Variants in STK32B observed in about 807,000 individuals in gnomAD.
STK32B encodes serine/threonine-protein kinase 32B.
A neutral mutation model predicts 52.6 loss-of-function variants in STK32B; 43 were observed. The observed-to-expected ratio is 0.82, with a 90% CI of 0.64 to 1.05. The LOEUF is 1.05. Ranked by LOEUF, STK32B falls within the 50% of genes least tolerant of loss-of-function variation. STK32B has a pLI of 0.00. For missense variants in STK32B, 621 were observed against 534.6 expected (o/e 1.16, Z -1.59); for synonymous variants, 238 against 204.3 (o/e 1.17, Z -1.41).
At chr4:5,153,863 A>T (rs1258290553) in intron 2 of STK32B, among the ~76,000 whole-genome samples, 2 of 152,216 alleles carry the variant, frequency 1.3e-5, no homozygotes, top group African/African-American at 2.4e-5. Context: ...AATATAAAAA[A>T]CTATGTTTAT....
chr4:5,372,023 G>A (rs539924964), intron 4 of STK32B, among the ~76,000 whole-genome samples: 15 of 152,378 alleles, frequency 9.8e-5, no homozygotes, highest in African/African-American at 3.1e-4. Flanking sequence ...AGGCCAGGAT[G>A]TGGGCTGCAT....
chr4:5,113,252 C>G (rs1714507977), intron 1 of STK32B, among the ~76,000 whole-genome samples: 1 of 152,144 alleles, frequency 6.6e-6, no homozygotes, highest in South Asian at 2.1e-4. Flanking sequence ...GAGGACACAG[C>G]AAGAAGATGG....
chr4:5,246,971 C>T (rs892809178), intron 3 of STK32B, among the ~76,000 whole-genome samples: 9 of 152,162 alleles, frequency 5.9e-5, no homozygotes, highest in East Asian at 3.9e-4. Context: ...TATAAGGTGC[C>T]GGTCCGCCCC....
chr4:5,452,551 G>A (rs762616271), intron 7 of STK32B, among the ~76,000 whole-genome samples: 44 of 152,110 alleles, frequency 2.9e-4, no homozygotes, highest in Admixed American at 2.8e-3. Context: ...ATGATTCAAC[G>A]GTTCCAGGGG....
intron 1 of STK32B, among the ~76,000 whole-genome samples, chr4:5,114,296 C>G (rs1323400395): frequency 1.3e-5 from 2 of 151,886 alleles, no homozygotes; most frequent in Non-Finnish European, 2.9e-5. Context: ...CCAACTCCTA[C>G]ACATCCTTCT....
At chr4:5,456,775 C>G (rs767251553) in intron 7 of STK32B, 32 bp from the exon 8 acceptor site, 2 of 1,531,560 alleles carry the variant, frequency 1.3e-6, no homozygotes, top group South Asian at 1.3e-5. Flanking sequence ...ATGGCTCTCT[C>G]TCTGATTCTG....
At chr4:5,299,320 A>G (rs969871672) in intron 3 of STK32B, among the ~76,000 whole-genome samples, 6 of 152,126 alleles carry the variant, frequency 3.9e-5, no homozygotes, top group African/African-American at 1.4e-4. Context: ...AACAGGAAGC[A>G]CAAAGGAATT....
At chr4:5,352,690 T>C (rs993434427) in intron 4 of STK32B, among the ~76,000 whole-genome samples, 3 of 150,660 alleles carry the variant, frequency 2.0e-5, no homozygotes, top group Non-Finnish European at 3.0e-5. Flanking sequence ...ATATGATATC[T>C]AGAAAAACCG....
chr4:5,417,053 G>T, intron 6 of STK32B, 119 bp downstream of exon 6: 1 of 861,958 alleles, frequency 1.2e-6, no homozygotes, highest in South Asian at 1.8e-5. Context: ...CTCACATGAG[G>T]TTCCACAGTT....
intron 3 of STK32B, among the ~76,000 whole-genome samples, chr4:5,252,593 C>T (rs1290706369): frequency 2.0e-5 from 3 of 152,166 alleles, no homozygotes; most frequent in Admixed American, 1.3e-4. Context: ...AGCCTGTCCA[C>T]TCTATTACAC....
chr4:5,492,883 G>T (rs1719867840), intron 11 of STK32B, among the ~76,000 whole-genome samples: 1 of 150,844 alleles, frequency 6.6e-6, no homozygotes, highest in Non-Finnish European at 1.5e-5. Context: ...TACATTTATT[G>T]ATTTGCGTAT....
intron 1 of STK32B, among the ~76,000 whole-genome samples, chr4:5,068,437 T>C (rs1711552655): frequency 6.6e-6 from 1 of 152,200 alleles, no homozygotes; most frequent in Non-Finnish European, 1.5e-5. Context: ...GCCAAGTTGC[T>C]GATATCTAAT....
Position 5,347,729 on chromosome 4 carries a change from G to A in STK32B, c.434+16336G>A, listed in dbSNP as rs1733559144. Among the ~76,000 whole-genome samples the A allele has an allele frequency of 2.0e-5, 3 of 152,128 alleles. No individual in the cohort carries two copies. The South Asian group carries it at 6.2e-4, about 32-fold the overall frequency. On this transcript the variant is annotated intron_variant, in intron 4 of 11. Transcript: ENST00000282908. ...TGGATTTCCTCCTTGCTGTTCTCAT[G>A]ATATTGAGTGAGTTCTCACAAGATC...
At chr4:5,264,561 C>A (rs896179112) in intron 3 of STK32B, among the ~76,000 whole-genome samples, 1 of 151,676 alleles carries the variant, frequency 6.6e-6, no homozygotes, top group Non-Finnish European at 1.5e-5. Context: ...CTGAGGCGGG[C>A]GGATCACGAG....
chr4:5,313,411 G>A (rs11735700), intron 3 of STK32B, among the ~76,000 whole-genome samples: 17,724 of 151,884 alleles, frequency 0.12, 2,614 homozygotes, highest in African/African-American at 0.35. Flanking sequence ...GGAACATCAC[G>A]GTGACAGACT....
intron 6 of STK32B, among the ~76,000 whole-genome samples, chr4:5,421,853 A>G (rs904177000): frequency 6.6e-6 from 1 of 152,206 alleles, no homozygotes; most frequent in African/African-American, 2.4e-5. Flanking sequence ...ATGTGTGAGG[A>G]ACCAGAGGTC....
chr4:5,274,063 A>G (rs569097903), intron 3 of STK32B, among the ~76,000 whole-genome samples: 1 of 152,224 alleles, frequency 6.6e-6, no homozygotes, highest in East Asian at 1.9e-4. Context: ...AGTTCTTTGC[A>G]AATTTATCCA....
intron 11 of STK32B, among the ~76,000 whole-genome samples, chr4:5,488,830 G>A (rs1322412803): frequency 6.6e-6 from 1 of 151,598 alleles, no homozygotes; most frequent in South Asian, 2.1e-4. Flanking sequence ...CTATTTTCTT[G>A]CTAGATTTAT....
intron 1 of STK32B, among the ~76,000 whole-genome samples, chr4:5,116,823 A>C (rs914241466): frequency 6.7e-6 from 1 of 149,544 alleles, no homozygotes; most frequent in Admixed American, 6.6e-5. Flanking sequence ...CCTTTCATCA[A>C]TGACTTACAC....
Sources: allele counts gnomAD v4.1 joint callset (sites outside exome capture counted in the v4.1 genomes callset), GRCh38; gene constraint gnomAD v4.1.1; transcripts MANE v1.5; gene names NCBI Gene and HGNC (gene_info 2026-07-23, HGNC 2026-07-21).